The following SPMIP2 variants were observed in gnomAD, a reference collection of about 807,000 sequenced individuals.
SPMIP2 encodes protein SPMIP2.
the SPMIP2 span, among the ~76,000 whole-genome samples, chr4:159,031,868 AGG>A: frequency 1.3e-5 from 2 of 152,210 alleles, no homozygotes; most frequent in Non-Finnish European, 2.9e-5. Context: ...AATTTGTAAA[AGG>A]CAAAAGCAAA....
At chr4:159,072,813 C>G in the SPMIP2 span, among the ~76,000 whole-genome samples, 4 of 152,082 alleles carry the variant, frequency 2.6e-5, no homozygotes, top group Non-Finnish European at 5.9e-5. Flanking sequence ...AATATAATTG[C>G]TCTAAAACTA....
At chr4:159,015,641 C>T in the SPMIP2 span, among the ~76,000 whole-genome samples, 2 of 151,884 alleles carry the variant, frequency 1.3e-5, no homozygotes, top group Non-Finnish European at 2.9e-5. Context: ...AGAGTTGGAA[C>T]AAAGAAATTT....
chr4:158,952,775 C>T, the SPMIP2 span, among the ~76,000 whole-genome samples: 1 of 152,142 alleles, frequency 6.6e-6, no homozygotes, highest in Non-Finnish European at 1.5e-5. Flanking sequence ...GAGGTGGTCT[C>T]AGATGGATAT....
At chr4:159,028,034 T>A in the SPMIP2 span, among the ~76,000 whole-genome samples, 1 of 152,272 alleles carries the variant, frequency 6.6e-6, no homozygotes, top group Non-Finnish European at 1.5e-5. Context: ...ATTAATACTT[T>A]TATTTAGTCA....
chr4:159,070,233 T>C, the SPMIP2 span, among the ~76,000 whole-genome samples: 1 of 152,178 alleles, frequency 6.6e-6, no homozygotes, highest in Admixed American at 6.5e-5. Context: ...CATCGAGTTG[T>C]TTAAAACCAC....
chr4:158,996,661 C>T, the SPMIP2 span, among the ~76,000 whole-genome samples: 1 of 152,216 alleles, frequency 6.6e-6, no homozygotes, highest in South Asian at 2.1e-4. Flanking sequence ...ACAGGCTTTT[C>T]CATCTGTGTG....
At chr4:158,947,835 CATT>C in the SPMIP2 span, among the ~76,000 whole-genome samples, 8 of 152,098 alleles carry the variant, frequency 5.3e-5, no homozygotes, top group East Asian at 3.9e-4. Context: ...ATTTTTTCAT[CATT>C]ATTTAAGAAA....
chr4:158,990,928 G>T, the SPMIP2 span, among the ~76,000 whole-genome samples: 408 of 152,216 alleles, frequency 2.7e-3, 1 homozygote, highest in African/African-American at 9.2e-3. Context: ...AAGAGATAGG[G>T]TCTTGCTATG....
the SPMIP2 span, chr4:158,915,250 T>G: frequency 6.2e-7 from 1 of 1,613,786 alleles, no homozygotes; most frequent in Non-Finnish European, 8.5e-7. Context: ...CTAACAAGAA[T>G]AGCCCATTTG....
the SPMIP2 span, among the ~76,000 whole-genome samples, chr4:158,985,859 T>C: frequency 3.3e-5 from 5 of 152,204 alleles, no homozygotes; most frequent in African/African-American, 4.8e-5. Flanking sequence ...TGTTTGCAGA[T>C]GACTTGATTG....
chr4:159,043,540 G>A, the SPMIP2 span, among the ~76,000 whole-genome samples: 5 of 152,006 alleles, frequency 3.3e-5, no homozygotes, highest in Non-Finnish European at 4.4e-5. Context: ...GTAGAGACGG[G>A]GTTTCACTGT....
At chr4:159,016,747 C>G in the SPMIP2 span, among the ~76,000 whole-genome samples, 2 of 152,180 alleles carry the variant, frequency 1.3e-5, no homozygotes, top group African/African-American at 4.8e-5. Flanking sequence ...AGCCTGCCCC[C>G]CACAGGGAGA....
chr4:159,079,171 C>T, the SPMIP2 span, among the ~76,000 whole-genome samples: 6 of 152,024 alleles, frequency 3.9e-5, no homozygotes, highest in Admixed American at 2.0e-4. Context: ...AAAACACTGT[C>T]ATGGTGTGTT....
chr4:159,058,080 G>A, the SPMIP2 span, among the ~76,000 whole-genome samples: 36 of 152,030 alleles, frequency 2.4e-4, no homozygotes, highest in Middle Eastern at 0.01. Flanking sequence ...GGCTGGTCTT[G>A]AACTCTTGGG....
chr4:158,904,510 C>G, the SPMIP2 span: 1 of 1,613,322 alleles, frequency 6.2e-7, no homozygotes. Context: ...ATTGCCAGTA[C>G]TCATTCTCCT....
the SPMIP2 span, chr4:159,007,882 A>G: frequency 2.1e-5 from 10 of 486,290 alleles, no homozygotes; most frequent in African/African-American, 6.0e-5. Flanking sequence ...TGTGTGTGGG[A>G]AAAAAAAGAA....
At chr4:159,076,522 G>A in the SPMIP2 span, among the ~76,000 whole-genome samples, 8 of 152,070 alleles carry the variant, frequency 5.3e-5, no homozygotes, top group East Asian at 1.5e-3. Context: ...CCTAATAAAA[G>A]CATGTTATTT....
chr4:159,003,200 A>T, the SPMIP2 span, among the ~76,000 whole-genome samples: 1 of 152,078 alleles, frequency 6.6e-6, no homozygotes, highest in African/African-American at 2.4e-5. Context: ...ACAGCACATC[A>T]TTTCCTTTTT....
chr4:158,920,283 G>C, the SPMIP2 span, among the ~76,000 whole-genome samples: 1 of 152,098 alleles, frequency 6.6e-6, no homozygotes, highest in African/African-American at 2.4e-5. Flanking sequence ...TGAAATCAGT[G>C]CACCTTGAAA....
Sources: allele counts gnomAD v4.1 joint callset (sites outside exome capture counted in the v4.1 genomes callset), GRCh38; gene constraint gnomAD v4.1.1; transcripts MANE v1.5; gene names NCBI Gene and HGNC (gene_info 2026-07-23, HGNC 2026-07-21).